CA10: variants seen among roughly 807,000 people sequenced by gnomAD.
The protein encoded by CA10 is carbonic anhydrase-related protein 10.
A neutral mutation model predicts 44.2 loss-of-function variants in CA10; 14 were observed. The ratio of observed to expected loss-of-function variants is 0.32; its 90% CI spans 0.21 to 0.50. The LOEUF is 0.50. Ranked by LOEUF, CA10 falls within the 20% of genes least tolerant of loss-of-function variation. The probability of loss-of-function intolerance (pLI) is 0.99; values close to 1 mark genes in which losing one functional copy is unlikely to be tolerated. For synonymous variants in CA10, 159 were observed against 141.6 expected (o/e 1.12, Z -0.87); for missense variants, 350 against 409.7 (o/e 0.85, Z 1.26).
At chr17:51,696,491 T>C (rs1321755547) in intron 4 of CA10, among the ~76,000 whole-genome samples, 3 of 152,204 alleles carry the variant, frequency 2.0e-5, no homozygotes, top group Non-Finnish European at 4.4e-5. Context: ...CCTTTGGTAA[T>C]CTAGCTAGTG....
intron 2 of CA10, among the ~76,000 whole-genome samples, chr17:51,966,960 T>G (rs1984101283): frequency 6.6e-6 from 1 of 151,866 alleles, no homozygotes; most frequent in Non-Finnish European, 1.5e-5. Flanking sequence ...ACTACACATC[T>G]GACGAAGGTC....
At chr17:51,943,603 T>A (rs1172717719) in intron 2 of CA10, among the ~76,000 whole-genome samples, 1 of 152,202 alleles carries the variant, frequency 6.6e-6, no homozygotes, top group Admixed American at 6.5e-5. Context: ...GCCTGGAGCA[T>A]CCTTCCTTAC....
chr17:51,921,935 T>C (rs1274859150), intron 3 of CA10, among the ~76,000 whole-genome samples: 3 of 152,206 alleles, frequency 2.0e-5, no homozygotes, highest in African/African-American at 4.8e-5. Context: ...CTGTCTTCCA[T>C]AGAGTTGAAA....
At chr17:51,722,122 T>C (rs1916369112) in intron 4 of CA10, among the ~76,000 whole-genome samples, 1 of 152,156 alleles carries the variant, frequency 6.6e-6, no homozygotes, top group African/African-American at 2.4e-5. Flanking sequence ...TTGAATTAAA[T>C]TGTAGAACCG....
chr17:51,640,304 T>C (rs1480183412), intron 6 of CA10, among the ~76,000 whole-genome samples: 1 of 152,150 alleles, frequency 6.6e-6, no homozygotes, highest in Non-Finnish European at 1.5e-5. Context: ...ATTTATCAGA[T>C]GAGGGGAAGC....
intron 4 of CA10, among the ~76,000 whole-genome samples, chr17:51,744,319 A>G (rs1904582585): frequency 6.6e-6 from 1 of 152,064 alleles, no homozygotes; most frequent in Non-Finnish European, 1.5e-5. Context: ...CATCTCAAAA[A>G]AAAAAAAAAA....
At chr17:51,956,559 G>A (rs1022862581) in intron 2 of CA10, among the ~76,000 whole-genome samples, 2 of 152,126 alleles carry the variant, frequency 1.3e-5, no homozygotes, top group Non-Finnish European at 2.9e-5. Flanking sequence ...GTTTTTTAAT[G>A]TAGAGTAAGA....
chr17:51,799,799 A>G (rs1042991670), intron 3 of CA10, among the ~76,000 whole-genome samples: 2 of 152,220 alleles, frequency 1.3e-5, no homozygotes, highest in Non-Finnish European at 2.9e-5. Flanking sequence ...AAGCAAGTTA[A>G]ACCCACAGTG....
At chr17:52,110,198 T>C (rs911190992) in intron 1 of CA10, among the ~76,000 whole-genome samples, 1 of 152,226 alleles carries the variant, frequency 6.6e-6, no homozygotes, top group South Asian at 2.1e-4. Flanking sequence ...TGGATCCCCA[T>C]AACCTTTCTT....
chr17:51,992,451 C>CA, intron 2 of CA10, among the ~76,000 whole-genome samples: 1 of 152,194 alleles, frequency 6.6e-6, no homozygotes, highest in East Asian at 1.9e-4. Flanking sequence ...TAGCTTAGCC[C>CA]AGTTCCTGAT....
intron 2 of CA10, among the ~76,000 whole-genome samples, chr17:52,038,402 G>C (rs537285181): frequency 6.6e-6 from 1 of 152,164 alleles, no homozygotes; most frequent in Admixed American, 6.5e-5. Context: ...TGCCCAAATA[G>C]AGCAGCTTAT....
intron 3 of CA10, among the ~76,000 whole-genome samples, chr17:51,765,691 C>CTGTGTGTGTGTGTGTGTG (rs61631215): frequency 9.3e-5 from 13 of 140,284 alleles, no homozygotes; most frequent in Admixed American, 4.3e-4. Flanking sequence ...AGGCAGCTCC[C>CTGTGTGTGTGTGTGTGTG]TGTGTGTGTG....
rs534675249 is a variant in CA10, at chr17:51,656,955, C to G, written c.466-3219G>C. 1.1e-4 allele frequency among the ~76,000 whole-genome samples: 17 copies of G among 152,242 alleles called. 1 individual carries two copies. The South Asian group carries it at 3.5e-3, about 32-fold the overall frequency. On this transcript the variant is annotated intron_variant, in intron 4 of 8. Coordinates refer to ENST00000451037, the MANE Select transcript of CA10 (RefSeq NM_020178.5). ...AACAGGCTGAGTCCAGATCATAGGACCCCTGGAATGTCAGCAATAGAAAGG... is the reference window on the plus strand; with the variant it reads ...AACAGGCTGAGTCCAGATCATAGGAGCCCTGGAATGTCAGCAATAGAAAGG...
rs976620489 is a variant in CA10 at position 52,139,305 on chromosome 17, T to C, written c.61+18421A>G. 1.3e-5 allele frequency among the ~76,000 whole-genome samples: 2 copies of C among 152,206 alleles called. 1 individual carries two copies. Among genetic ancestry groups the C allele is most frequent in the African/African-American group, 4.8e-5 (2 of 41,464 alleles). ...ATGGCCTTTAGTTGTTTACATTAAATTAAATAGTCTTGGATATCCATTAGT... is the reference window on the plus strand; with the variant it reads ...ATGGCCTTTAGTTGTTTACATTAAACTAAATAGTCTTGGATATCCATTAGT... On this transcript the variant is annotated intron_variant, in intron 1 of 8. Transcript: ENST00000451037.
chr17:51,900,055 G>C (rs2143928626), intron 3 of CA10, among the ~76,000 whole-genome samples: 1 of 151,986 alleles, frequency 6.6e-6, no homozygotes, highest in East Asian at 1.9e-4. Context: ...GATATGTGTA[G>C]ATTTAATCCT....
chr17:51,971,122 C>G (rs904034061), intron 2 of CA10, among the ~76,000 whole-genome samples: 1 of 152,034 alleles, frequency 6.6e-6, no homozygotes, highest in Non-Finnish European at 1.5e-5. Flanking sequence ...AGCTAAAGAT[C>G]TACAGCTGTT....
At chr17:51,946,155 G>A (rs1456056446) in intron 2 of CA10, among the ~76,000 whole-genome samples, 9 of 152,164 alleles carry the variant, frequency 5.9e-5, no homozygotes. Context: ...GGGACAAGAG[G>A]AGCAATTGGG....
chr17:52,021,764 T>A (rs549098109), intron 2 of CA10, among the ~76,000 whole-genome samples: 10 of 152,170 alleles, frequency 6.6e-5, no homozygotes, highest in African/African-American at 2.4e-4. Flanking sequence ...ACTCAGAGAT[T>A]ATTATGAACA....
chr17:51,782,552 T>C (rs1906105637), intron 3 of CA10, among the ~76,000 whole-genome samples: 1 of 152,238 alleles, frequency 6.6e-6, no homozygotes. Flanking sequence ...CCAAGCTTGC[T>C]TCTTTCATCT....
Sources: gnomAD v4.1 joint callset for allele counts (sites outside exome capture counted in the v4.1 genomes callset) on GRCh38, gnomAD v4.1.1 for gene constraint, MANE v1.5 for transcripts, NCBI Gene and HGNC (gene_info 2026-07-23, HGNC 2026-07-21) for gene names.